Variants in DESI2 observed in about 807,000 individuals in gnomAD.
DESI2 encodes the protein desumoylating isopeptidase 2.
In DESI2, 10 loss-of-function variants were observed where a neutral mutation model predicts 24.1. That is an observed-to-expected ratio of 0.41 (90% CI 0.26 to 0.70). The LOEUF (loss-of-function observed/expected upper bound fraction) is 0.70, where lower values mean the gene tolerates loss of function less well. Among genes scored for constraint, DESI2 ranks in the 30% least tolerant of loss-of-function variants. The pLI is 0.29. For synonymous variants in DESI2, 71 were observed against 87.7 expected, an observed-to-expected ratio of 0.81 and a Z score of 1.06; for missense variants, 122 against 234.9, an observed-to-expected ratio of 0.52 and a Z score of 3.14.
chr1:244,705,198 T>C (rs1202440985), intron 4 of DESI2, among the ~76,000 whole-genome samples: 2 of 152,214 alleles, frequency 1.3e-5, no homozygotes, highest in African/African-American at 4.8e-5. Flanking sequence ...TCTATTACTC[T>C]AATAATATAT....
At chr1:244,703,541 A>T (rs1216194145) in intron 4 of DESI2, among the ~76,000 whole-genome samples, 2 of 152,004 alleles carry the variant, frequency 1.3e-5, no homozygotes, top group Admixed American at 1.3e-4. Context: ...TGTGTAAACA[A>T]GGTCTTACTA....
chr1:244,657,252 G>A (rs1180231804), intron 1 of DESI2, among the ~76,000 whole-genome samples: 1 of 152,154 alleles, frequency 6.6e-6, no homozygotes, highest in South Asian at 2.1e-4. Context: ...TGATAGATCC[G>A]ATTTCTCATA....
chr1:244,699,082 T>C (rs114000601), intron 4 of DESI2, among the ~76,000 whole-genome samples: 2,391 of 152,284 alleles, frequency 0.016, 66 homozygotes, highest in African/African-American at 0.054. Context: ...GCTACCTTTC[T>C]ACTGGTGCAC....
chr1:244,677,325 G>C (rs1676446713), intron 1 of DESI2, among the ~76,000 whole-genome samples: 1 of 152,082 alleles, frequency 6.6e-6, no homozygotes, highest in Non-Finnish European at 1.5e-5. Flanking sequence ...TATATAATTT[G>C]TTGGCATACA....
rs930769944 is a variant in DESI2 at position 244,705,969 on chromosome 1, G to A, written c.*180G>A. The A allele has an allele frequency of 5.2e-6, 3 of 582,264 alleles. No individual in the cohort carries two copies. Among genetic ancestry groups the A allele is most frequent in the Non-Finnish European group, 9.1e-6 (3 of 329,824 alleles). 36.1% of individuals were successfully genotyped at this position (582,264 alleles called of 1,614,324 possible). A position where few individuals can be genotyped will look rare whatever the true frequency, so the allele number is the denominator to read the frequency against. ...AAAAAAAATCACTTGGCGCAGGAGG[G>A]AGAACTTTGTAAGAAGCTGCCCTCT... On this transcript the variant is annotated 3_prime_UTR_variant, in exon 5 of 5. Transcript: ENST00000302550.
intron 1 of DESI2, among the ~76,000 whole-genome samples, chr1:244,667,584 G>A (rs1676090524): frequency 6.6e-6 from 1 of 152,178 alleles, no homozygotes; most frequent in Non-Finnish European, 1.5e-5. Context: ...CTAAAAAGGG[G>A]GTAGGATACA....
intron 1 of DESI2, among the ~76,000 whole-genome samples, chr1:244,672,294 T>A (rs1676273333): frequency 2.0e-5 from 3 of 152,146 alleles, no homozygotes; most frequent in Non-Finnish European, 4.4e-5. Context: ...TCATGGGAGA[T>A]CTGGTTGTTT....
At chr1:244,703,953 TG>T (rs1370830635) in intron 4 of DESI2, among the ~76,000 whole-genome samples, 2 of 152,076 alleles carry the variant, frequency 1.3e-5, no homozygotes, top group Non-Finnish European at 2.9e-5. Flanking sequence ...GCCACCGCGC[TG>T]GGCCGAAATA....
intron 1 of DESI2, among the ~76,000 whole-genome samples, chr1:244,664,247 A>G (rs36044835): frequency 0.4 from 60,369 of 151,936 alleles, 13,671 homozygotes; most frequent in Middle Eastern, 0.51. Flanking sequence ...GAGAGAGAAG[A>G]GGTAAAAGCT....
At chr1:244,703,951 G>A (rs766687020) in intron 4 of DESI2, among the ~76,000 whole-genome samples, 44 of 152,206 alleles carry the variant, frequency 2.9e-4, no homozygotes, top group Middle Eastern at 3.4e-3. Context: ...GAGCCACCGC[G>A]CTGGGCCGAA....
chr1:244,678,936 G>T (rs894426699), intron 1 of DESI2, among the ~76,000 whole-genome samples: 4 of 152,220 alleles, frequency 2.6e-5, no homozygotes, highest in Non-Finnish European at 4.4e-5. Context: ...GGCAATTTAA[G>T]TCCTAGAAGT....
chr1:244,688,468 T>A (rs1676898177), intron 2 of DESI2, among the ~76,000 whole-genome samples: 1 of 152,216 alleles, frequency 6.6e-6, no homozygotes, highest in African/African-American at 2.4e-5. Flanking sequence ...TAAGGTATAT[T>A]TTTAAAGTGA....
chr1:244,705,985 G>T lies in DESI2; in HGVS notation c.*196G>T. ...CGCAGGAGGGAGAACTTTGTAAGAA[G>T]CTGCCCTCTGTTTTTTTTATCCACT... On this transcript the variant is annotated 3_prime_UTR_variant, in exon 5 of 5. Coordinates refer to ENST00000302550, the MANE Select transcript of DESI2 (RefSeq NM_016076.5). 1 of 564,890 alleles carries T rather than the reference G, an allele frequency of 1.8e-6. No individual in the cohort carries two copies. Among genetic ancestry groups the T allele is most frequent in the East Asian group, 3.0e-5 (1 of 33,784 alleles). 35.0% of individuals were successfully genotyped at this position (564,890 alleles called of 1,614,324 possible).
At chr1:244,662,053 C>T (rs1199466188) in intron 1 of DESI2, among the ~76,000 whole-genome samples, 2 of 152,236 alleles carry the variant, frequency 1.3e-5, no homozygotes. Context: ...TATTTCTCCA[C>T]ATCCTCTCCA....
intron 1 of DESI2, among the ~76,000 whole-genome samples, chr1:244,661,028 T>C (rs1675821379): frequency 6.6e-6 from 1 of 152,268 alleles, no homozygotes; most frequent in African/African-American, 2.4e-5. Flanking sequence ...GTTTTAATTG[T>C]GTTAAAATAC....
chr1:244,664,020 G>GGA (rs367918820), intron 1 of DESI2, among the ~76,000 whole-genome samples: 1 of 89,374 alleles, frequency 1.1e-5, no homozygotes, highest in East Asian at 3.3e-4. Flanking sequence ...TCCGTCTCAG[G>GGA]AAAAAAAAAA....
chr1:244,655,993 T>A (rs1007557529), intron 1 of DESI2, among the ~76,000 whole-genome samples: 3 of 152,204 alleles, frequency 2.0e-5, no homozygotes, highest in Non-Finnish European at 4.4e-5. Flanking sequence ...CAAATTTTGG[T>A]CTGTTATACT....
chr1:244,657,695 C>G (rs1675696772), intron 1 of DESI2, among the ~76,000 whole-genome samples: 1 of 152,228 alleles, frequency 6.6e-6, no homozygotes, highest in Non-Finnish European at 1.5e-5. Flanking sequence ...CTCTACCATC[C>G]TCAGCACGTT....
intron 1 of DESI2, among the ~76,000 whole-genome samples, chr1:244,682,973 CTG>C (rs1195445748): frequency 3.3e-5 from 5 of 152,060 alleles, no homozygotes; most frequent in Non-Finnish European, 7.4e-5. Context: ...AGTAGAGAAA[CTG>C]TGTTCAACTC....
Sources: gnomAD v4.1 joint callset for allele counts (sites outside exome capture counted in the v4.1 genomes callset) on GRCh38, gnomAD v4.1.1 for gene constraint, MANE v1.5 for transcripts, NCBI Gene and HGNC (gene_info 2026-07-23, HGNC 2026-07-21) for gene names.